The following TMTC2 variants were observed in gnomAD, a reference collection of about 807,000 sequenced individuals.
TMTC2 encodes transmembrane O-mannosyltransferase targeting cadherins 2.
A neutral mutation model predicts 82.4 loss-of-function variants in TMTC2; 43 were observed. The ratio of observed to expected loss-of-function variants is 0.52; its 90% confidence interval spans 0.41 to 0.67. TMTC2 has a LOEUF of 0.67. TMTC2 is among the 30% of genes least tolerant of loss of function. The pLI, the probability that TMTC2 is intolerant of heterozygous loss-of-function variation, is 0.00. For missense variants in TMTC2, 919 were observed against 1,012.4 expected (o/e 0.91, Z 1.25); for synonymous variants, 408 against 381.9 (o/e 1.07, Z -0.80).
At chr12:82,824,826 C>G (rs947986613) in intron 1 of TMTC2, among the ~76,000 whole-genome samples, 1 of 152,094 alleles carries the variant, frequency 6.6e-6, no homozygotes, top group Admixed American at 6.6e-5. Context: ...CAGTGGCTCA[C>G]GTCTGTAATC....
rs143892600 is a variant in TMTC2, at chr12:83,062,305, T to C, written c.2331+474T>C. 6.7e-3 allele frequency among the ~76,000 whole-genome samples: 1,017 copies of C among 151,938 alleles called. 5 individuals are homozygous for C. The highest frequency in any genetic ancestry group is 0.024 in the African/African-American group (992 of 41,514). On this transcript the variant is annotated intron_variant, in intron 11 of 11. Transcript: ENST00000321196. ...TTTTCAACTTTATCAAGAATGTTTT[T>C]ATTACAATTTTTCTCTGGGTAATCA... is the stretch of plus-strand genomic sequence containing the variant.
At chr12:83,034,705 G>A (rs1041922818) in intron 9 of TMTC2, among the ~76,000 whole-genome samples, 5 of 152,254 alleles carry the variant, frequency 3.3e-5, no homozygotes, top group African/African-American at 1.2e-4. Context: ...AGTAGGGATG[G>A]TGTGTTTTCC....
chr12:82,986,170 C>T, intron 8 of TMTC2, 124 bp downstream of exon 8: 1 of 1,341,208 alleles, frequency 7.5e-7, no homozygotes. Flanking sequence ...GGTGGTGATA[C>T]TAACTTTGAA....
At chr12:82,888,514 T>C (rs1873220883) in intron 2 of TMTC2, among the ~76,000 whole-genome samples, 1 of 152,192 alleles carries the variant, frequency 6.6e-6, no homozygotes. Flanking sequence ...TCTTGAACTC[T>C]TGGGCTCAGG....
intron 2 of TMTC2, among the ~76,000 whole-genome samples, chr12:82,865,610 G>A (rs1029655216): frequency 2.0e-5 from 3 of 152,048 alleles, no homozygotes; most frequent in African/African-American, 7.2e-5. Context: ...AACGAGACAG[G>A]AAATTAACAA....
intron 7 of TMTC2, among the ~76,000 whole-genome samples, chr12:82,971,830 T>C (rs1878461482): frequency 6.6e-6 from 1 of 150,412 alleles, no homozygotes; most frequent in African/African-American, 2.4e-5. Flanking sequence ...AAAAATTAAG[T>C]CATAAGTGCT....
At chr12:82,991,776 G>A (rs1879413265) in intron 8 of TMTC2, among the ~76,000 whole-genome samples, 2 of 152,310 alleles carry the variant, frequency 1.3e-5, no homozygotes, top group South Asian at 4.1e-4. Flanking sequence ...GAGAAAAGAA[G>A]GAATAACATT....
At chr12:82,982,008 T>G (rs78394161) in intron 7 of TMTC2, among the ~76,000 whole-genome samples, 2 of 136,862 alleles carry the variant, frequency 1.5e-5, no homozygotes, top group African/African-American at 5.8e-5. Context: ...TGACATTTGC[T>G]TTTTTTTTTT....
At chr12:82,827,894 T>C (rs1054446901) in intron 1 of TMTC2, among the ~76,000 whole-genome samples, 17 of 145,114 alleles carry the variant, frequency 1.2e-4, no homozygotes, top group African/African-American at 1.8e-4. Context: ...TTTCGTTTTC[T>C]TTTTTTTTTT....
chr12:82,771,759 A>G (rs1303568350), intron 1 of TMTC2, among the ~76,000 whole-genome samples: 1 of 152,212 alleles, frequency 6.6e-6, no homozygotes. Context: ...GTAGAATTCC[A>G]TTTAACTTAT....
intron 1 of TMTC2, among the ~76,000 whole-genome samples, chr12:82,848,682 C>G (rs1210791094): frequency 6.6e-6 from 1 of 152,096 alleles, no homozygotes; most frequent in African/African-American, 2.4e-5. Context: ...GTTAAGATCA[C>G]CTGTGTGCTA....
intron 1 of TMTC2, among the ~76,000 whole-genome samples, chr12:82,736,556 C>G (rs574998492): frequency 6.6e-6 from 1 of 152,256 alleles, no homozygotes. Flanking sequence ...GTAATTGCAA[C>G]CTAATATCAG....
At chr12:82,740,137 T>C (rs771015411) in intron 1 of TMTC2, among the ~76,000 whole-genome samples, 80 of 152,314 alleles carry the variant, frequency 5.3e-4, no homozygotes, top group Middle Eastern at 3.4e-3. Context: ...GCAGATCCTC[T>C]GATTTTTCTG....
At chr12:83,118,456 T>A (rs1435176533) in intron 11 of TMTC2, among the ~76,000 whole-genome samples, 2 of 152,036 alleles carry the variant, frequency 1.3e-5, no homozygotes, top group African/African-American at 4.8e-5. Context: ...TAATTCTGTT[T>A]ATGTGGTGTG....
intron 1 of TMTC2, among the ~76,000 whole-genome samples, chr12:82,783,688 A>G (rs1169472106): frequency 6.6e-6 from 1 of 152,070 alleles, no homozygotes; most frequent in East Asian, 1.9e-4. Flanking sequence ...TTGTCATTTC[A>G]TGAAGAATTT....
At chr12:82,854,364 G>T (rs1406425856) in intron 1 of TMTC2, among the ~76,000 whole-genome samples, 1 of 152,100 alleles carries the variant, frequency 6.6e-6, no homozygotes, top group Admixed American at 6.6e-5. Flanking sequence ...TTACTGCTCT[G>T]CTCTCTGCAT....
chr12:82,867,182 C>G (rs114132187), intron 2 of TMTC2, among the ~76,000 whole-genome samples: 356 of 152,278 alleles, frequency 2.3e-3, no homozygotes, highest in African/African-American at 8.2e-3. Context: ...ATAACTCTTG[C>G]ATCAAGAGAA....
At chr12:82,751,697 GTATATTAACATTCA>G (rs1256788645) in intron 1 of TMTC2, among the ~76,000 whole-genome samples, 1 of 152,058 alleles carries the variant, frequency 6.6e-6, no homozygotes, top group East Asian at 1.9e-4. Flanking sequence ...TGGGAGGTGA[GTATATTAACATTCA>G]TATGAATGTA....
chr12:82,702,064 C>T (rs1388270917), intron 1 of TMTC2, among the ~76,000 whole-genome samples: 1 of 152,146 alleles, frequency 6.6e-6, no homozygotes, highest in African/African-American at 2.4e-5. Flanking sequence ...AAACAGGTCA[C>T]AGTTTTATAA....
Sources: gnomAD v4.1 joint callset for allele counts (sites outside exome capture counted in the v4.1 genomes callset) on GRCh38, gnomAD v4.1.1 for gene constraint, MANE v1.5 for transcripts, NCBI Gene and HGNC (gene_info 2026-07-23, HGNC 2026-07-21) for gene names.